IFNGR2: variants seen among roughly 807,000 people sequenced by gnomAD.
IFNGR2 encodes the protein IFN-gamma receptor 2.
Under a neutral mutation model 41.1 loss-of-function variants are expected in IFNGR2, and 15 were observed. The ratio of observed to expected loss-of-function variants is 0.37; its 90% confidence interval spans 0.24 to 0.56. IFNGR2 has a LOEUF of 0.56. Among genes scored for constraint, IFNGR2 ranks in the 20% least tolerant of loss-of-function variants. The probability of loss-of-function intolerance (pLI) is 0.81; values close to 1 mark genes in which losing one functional copy is unlikely to be tolerated. For synonymous variants in IFNGR2, 161 were observed against 171.6 expected (o/e 0.94, Z 0.48); for missense variants, 362 against 415.7 (o/e 0.87, Z 1.12).
Position 33,403,642 on chromosome 21 carries a change from C to T in IFNGR2, c.73+26C>T. 7.2e-6 allele frequency: 9 copies of T among 1,254,972 alleles called. No individual in the cohort carries two copies. The South Asian group carries it at 8.9e-5, about 12-fold the overall frequency. 77.7% of individuals were successfully genotyped at this position (1,254,972 alleles called of 1,614,324 possible). On this transcript the variant is annotated intron_variant, in intron 1 of 6. Transcript: ENST00000290219. ...GTGAGCCGGGCCTGGGCCTCCGCGGCGGGACGCGGGCGCAGCCGCAGCATG... is the reference window on the plus strand; with the variant it reads ...GTGAGCCGGGCCTGGGCCTCCGCGGTGGGACGCGGGCGCAGCCGCAGCATG...
intron 1 of IFNGR2, chr21:33,411,462 CA>C (rs1324229976): frequency 4.2e-6 from 2 of 470,820 alleles, no homozygotes; most frequent in Non-Finnish European, 8.8e-6. Context: ...AGATGGTGAA[CA>C]GGCGTGTGGA....
intron 6 of IFNGR2, 41 bp downstream of exon 6, chr21:33,432,912 G>A: frequency 6.6e-7 from 1 of 1,521,626 alleles, no homozygotes; most frequent in Non-Finnish European, 9.0e-7. Flanking sequence ...TTGAGACAGG[G>A]TCTTGCTCTG....
chr21:33,410,927 A>G, intron 1 of IFNGR2: 1 of 1,351,510 alleles, frequency 7.4e-7, no homozygotes, highest in South Asian at 1.2e-5. Context: ...ACCTGTATGA[A>G]ACCTGCATCT....
In IFNGR2 at chr21:33,421,634, G is replaced by T. The variant is rs776967196; in HGVS notation, c.361G>T (p.Ala121Ser). ...TCTACGCCTTCGAGCTGAGCTGGGA[G>T]CACTCCATTCTGCCTGGGTGACAAT... ...VTLRLRAELG[A>S]LHSAWVTMPW... is the part of the protein sequence containing the mutation. Residue 121 changes from alanine (A) to serine (S), a missense_variant, in exon 3 of 7, where the codon GCA (alanine) becomes TCA (serine). Transcript: ENST00000290219. The T allele has an allele frequency of 6.2e-7, 1 of 1,614,102 alleles. No individual in the cohort carries two copies. The highest frequency in any genetic ancestry group is 1.7e-5 in the Admixed American group (1 of 60,006).
chr21:33,423,318 C>T (rs958698846), intron 3 of IFNGR2, among the ~76,000 whole-genome samples: 3 of 151,846 alleles, frequency 2.0e-5, no homozygotes, highest in Non-Finnish European at 2.9e-5. Flanking sequence ...GGATTACAGG[C>T]GTGAGCCACC....
chr21:33,425,214 C>T (rs1197905227), intron 3 of IFNGR2, among the ~76,000 whole-genome samples: 2 of 152,180 alleles, frequency 1.3e-5, no homozygotes, highest in Non-Finnish European at 2.9e-5. Context: ...GCCACCATGC[C>T]CATCCCGTGA....
At chr21:33,431,541 G>A (rs1427841555) in intron 4 of IFNGR2, among the ~76,000 whole-genome samples, 1 of 152,174 alleles carries the variant, frequency 6.6e-6, no homozygotes, top group Non-Finnish European at 1.5e-5. Context: ...TTGCGGTCCA[G>A]CCTGGTGACA....
chr21:33,425,285 A>T (rs937298140), intron 3 of IFNGR2, among the ~76,000 whole-genome samples: 1 of 152,146 alleles, frequency 6.6e-6, no homozygotes, highest in African/African-American at 2.4e-5. Context: ...ATTTACCTGG[A>T]GACTCCACAC....
At chr21:33,426,420 G>GAATA (rs896331407) in intron 3 of IFNGR2, among the ~76,000 whole-genome samples, 4 of 149,108 alleles carry the variant, frequency 2.7e-5, no homozygotes, top group South Asian at 2.1e-4. Flanking sequence ...TCTCAAAAAT[G>GAATA]AATAAATAAA....
At chr21:33,413,278 C>T (rs1238330077) in intron 1 of IFNGR2, among the ~76,000 whole-genome samples, 2 of 152,174 alleles carry the variant, frequency 1.3e-5, no homozygotes, top group Non-Finnish European at 2.9e-5. Context: ...TACCTGTCTG[C>T]CTTCGGCCCA....
intron 4 of IFNGR2, 54 bp from the exon 5 acceptor site, chr21:33,432,123 T>A: frequency 6.6e-7 from 1 of 1,506,190 alleles, no homozygotes; most frequent in Non-Finnish European, 9.2e-7. Context: ...AGAAAAGATG[T>A]AGGCAGCTTG....
At position 33,421,072 on chromosome 21, in the gene IFNGR2, C is replaced by CTAT. The variant is rs121913195; in HGVS notation, c.207-407_207-406insATT. Among the ~76,000 whole-genome samples the CTAT allele has an allele frequency of 6.6e-6, 1 of 152,092 alleles. No homozygotes were observed. Among genetic ancestry groups the CTAT allele is most frequent in the African/African-American group, 2.4e-5 (1 of 41,476 alleles). On this transcript the variant is annotated intron_variant, in intron 2 of 6. Coordinates refer to ENST00000290219, the MANE Select transcript of IFNGR2 (RefSeq NM_005534.4). ...ATTAACCAGGCATGATGGTGCATGC[C>CTAT]TGTAATCCCAGCACATTGGGAGGCC...
intron 1 of IFNGR2, among the ~76,000 whole-genome samples, chr21:33,412,913 C>CTCCAATAAATCTA: frequency 6.6e-6 from 1 of 152,204 alleles, no homozygotes; most frequent in African/African-American, 2.4e-5. Context: ...GCCTTAGACT[C>CTCCAATAAATCTA]TCCAATAAAT....
intron 3 of IFNGR2, 89 bp from the exon 4 acceptor site, chr21:33,426,795 A>G (rs1200697568): frequency 5.5e-6 from 4 of 726,794 alleles, no homozygotes; most frequent in Non-Finnish European, 9.1e-6. Flanking sequence ...ATATATATAC[A>G]TATATATATA....
intron 2 of IFNGR2, among the ~76,000 whole-genome samples, chr21:33,419,732 A>G (rs1410569895): frequency 6.6e-6 from 1 of 152,130 alleles, no homozygotes; most frequent in African/African-American, 2.4e-5. Context: ...TTACACTTCT[A>G]GAAGAGAGGT....
intron 6 of IFNGR2, among the ~76,000 whole-genome samples, chr21:33,434,701 T>C (rs1459080002): frequency 1.3e-5 from 2 of 152,130 alleles, no homozygotes; most frequent in African/African-American, 2.4e-5. Context: ...CCCTAGTCAC[T>C]TGTTCCTTCA....
At chr21:33,436,743 AAAAT>A (rs1568967117) in intron 6 of IFNGR2, 81 bp from the exon 7 acceptor site, 18 of 1,138,452 alleles carry the variant, frequency 1.6e-5, no homozygotes, top group Middle Eastern at 2.1e-4. Context: ...AAATAAAAAT[AAAAT>A]AAAAACAAAA....
At chr21:33,411,415 A>C (rs1192821958) in intron 1 of IFNGR2, 1 of 470,768 alleles carries the variant, frequency 2.1e-6, no homozygotes, top group South Asian at 1.5e-5. Flanking sequence ...AGTCGGGAAG[A>C]AGAGACTATT....
chr21:33,410,751 AGCCACCAC>A, intron 1 of IFNGR2: 2 of 920,868 alleles, frequency 2.2e-6, no homozygotes, highest in Non-Finnish European at 3.5e-6. Flanking sequence ...TACAGGCGTG[AGCCACCAC>A]GCCCATCCAA....
Sources: gnomAD v4.1 joint callset for allele counts (sites outside exome capture counted in the v4.1 genomes callset) on GRCh38, gnomAD v4.1.1 for gene constraint, MANE v1.5 for transcripts, NCBI Gene and HGNC (gene_info 2026-07-23, HGNC 2026-07-21) for gene names.